The following EPS15L1 variants were observed in gnomAD, a reference collection of about 807,000 sequenced individuals.
The protein encoded by EPS15L1 is epidermal growth factor receptor pathway substrate 15 like 1.
EPS15L1 carries 43 observed loss-of-function variants against 117.1 expected under a neutral mutation model. That is an observed-to-expected ratio of 0.37 (90% confidence interval 0.29 to 0.47). The LOEUF (loss-of-function observed/expected upper bound fraction) is 0.47. Among genes scored for constraint, EPS15L1 ranks in the 20% least tolerant of loss-of-function variants. The pLI is 0.99. For synonymous variants in EPS15L1, 459 were observed against 470.5 expected, an observed-to-expected ratio of 0.98 and a Z score of 0.32; for missense variants, 981 against 1,164.0, an observed-to-expected ratio of 0.84 and a Z score of 2.29.
rs2092363622 is a variant in EPS15L1, at chr19:16,381,623, C to A, written c.2247+3506G>T. Among the ~76,000 whole-genome samples, 1 of 152,220 alleles carries A rather than the reference C, an allele frequency of 6.6e-6. No homozygotes were observed. Among genetic ancestry groups the A allele is most frequent in the South Asian group, 2.1e-4 (1 of 4,836 alleles). ...GACAATGATCACACCAAGTACGAAG[C>A]TGCGATTGGAATCTGGGAGTGCCCC... On this transcript the variant is annotated intron_variant, in intron 21 of 23. Coordinates refer to ENST00000455140, the MANE Select transcript of EPS15L1 (RefSeq NM_001258374.3). The surrounding 1 kb of genome is among the most constrained non-coding windows in gnomAD (Gnocchi z 4.2).
At chr19:16,391,237 G>A (rs2092471156) in intron 19 of EPS15L1, among the ~76,000 whole-genome samples, 1 of 152,042 alleles carries the variant, frequency 6.6e-6, no homozygotes, top group Admixed American at 6.6e-5. Context: ...ATAGAAAAGA[G>A]AAAATCAATG....
At chr19:16,417,659 A>C (rs1033483579) in intron 11 of EPS15L1, 22 bp from the exon 12 acceptor site, 2 of 1,605,546 alleles carry the variant, frequency 1.2e-6, no homozygotes, top group African/African-American at 2.7e-5. Context: ...TTCAGAGGCG[A>C]GATCTCTAAT....
chr19:16,362,441 C>A (rs535359526), intron 22 of EPS15L1, among the ~76,000 whole-genome samples: 49 of 146,332 alleles, frequency 3.3e-4, no homozygotes, highest in Middle Eastern at 3.5e-3. Context: ...AGTTTCACAA[C>A]GTGGTATGGT....
intron 1 of EPS15L1, among the ~76,000 whole-genome samples, chr19:16,444,810 T>C (rs1161152851): frequency 1.3e-5 from 2 of 151,158 alleles, no homozygotes; most frequent in Non-Finnish European, 2.9e-5. Context: ...CATTGCAATC[T>C]CTGACTCCTG....
chr19:16,361,599 T>G, intron 23 of EPS15L1, 180 bp downstream of exon 23: 1 of 1,327,978 alleles, frequency 7.5e-7, no homozygotes, highest in Non-Finnish European at 9.6e-7. Flanking sequence ...TTTTTTTTAT[T>G]GAGAAACTGT....
chr19:16,426,517 T>C (rs1858418210), intron 8 of EPS15L1, among the ~76,000 whole-genome samples: 1 of 152,070 alleles, frequency 6.6e-6, no homozygotes. Flanking sequence ...TGGGCACCTA[T>C]AATCCCAGTT....
intron 10 of EPS15L1, among the ~76,000 whole-genome samples, chr19:16,418,962 A>G (rs2144931963): frequency 6.6e-6 from 1 of 152,292 alleles, no homozygotes; most frequent in South Asian, 2.1e-4. Flanking sequence ...CAGCAGCCCA[A>G]TGGTCTAAAA....
chr19:16,465,185 G>A (rs759747889), intron 1 of EPS15L1, among the ~76,000 whole-genome samples: 11 of 152,096 alleles, frequency 7.2e-5, no homozygotes, highest in Non-Finnish European at 1.2e-4. Context: ...GCAGCCATGG[G>A]TTGGACAAGC....
chr19:16,443,742 G>T (rs956896031), intron 1 of EPS15L1, among the ~76,000 whole-genome samples: 1 of 151,702 alleles, frequency 6.6e-6, no homozygotes, highest in African/African-American at 2.4e-5. Flanking sequence ...ATAATGCCCG[G>T]ATTATGGTCA....
intron 21 of EPS15L1, among the ~76,000 whole-genome samples, chr19:16,384,844 CG>C (rs1457372614): frequency 4.6e-5 from 7 of 152,212 alleles, no homozygotes; most frequent in Non-Finnish European, 1.0e-4. Context: ...AGTTTCTACT[CG>C]GCCATGGCAA....
chr19:16,414,167 G>A (rs1215346772), intron 12 of EPS15L1, among the ~76,000 whole-genome samples: 3 of 152,162 alleles, frequency 2.0e-5, no homozygotes, highest in Admixed American at 6.5e-5. Flanking sequence ...GAAGGTGGAG[G>A]GGCCACGTGA....
At chr19:16,355,966 G>A in intron 23 of EPS15L1, 115 bp from the exon 24 acceptor site, 2 of 1,277,634 alleles carry the variant, frequency 1.6e-6, no homozygotes, top group Non-Finnish European at 2.1e-6. Flanking sequence ...CCCAGCGGAG[G>A]GTCCGATGTG....
intron 12 of EPS15L1, 64 bp from the exon 13 acceptor site, chr19:16,413,909 G>A: frequency 7.9e-7 from 1 of 1,265,998 alleles, no homozygotes; most frequent in Non-Finnish European, 1.1e-6. Flanking sequence ...CCTTCCCAAG[G>A]CCTGATTCTG....
intron 16 of EPS15L1, chr19:16,401,418 TAC>T (rs1476979118): frequency 2.0e-6 from 2 of 985,190 alleles, no homozygotes; most frequent in Admixed American, 6.2e-5. Context: ...ATCCATGACG[TAC>T]AGAGGCCCAG....
intron 21 of EPS15L1, among the ~76,000 whole-genome samples, chr19:16,382,029 C>A (rs146271245): frequency 0.011 from 1,725 of 152,342 alleles, 22 homozygotes; most frequent in South Asian, 0.033. Flanking sequence ...AATAAAACCA[C>A]ACTCAGCCTG....
chr19:16,454,998 G>A (rs550367471), intron 1 of EPS15L1, among the ~76,000 whole-genome samples: 27 of 151,952 alleles, frequency 1.8e-4, no homozygotes, highest in African/African-American at 6.3e-4. Context: ...GTGTGGTGGC[G>A]CACACCTGTA....
intron 4 of EPS15L1, among the ~76,000 whole-genome samples, chr19:16,438,391 C>T (rs1268889245): frequency 1.3e-5 from 2 of 152,088 alleles, no homozygotes; most frequent in Non-Finnish European, 2.9e-5. Context: ...TGGACTTATT[C>T]CACTGCATCT....
chr19:16,397,365 C>T (rs1215146557), intron 16 of EPS15L1, among the ~76,000 whole-genome samples: 1 of 152,204 alleles, frequency 6.6e-6, no homozygotes, highest in African/African-American at 2.4e-5. Context: ...GCTGGGATTA[C>T]AGGCGTGAGC....
Position 16,355,502 on chromosome 19 carries a change from G to C in EPS15L1, c.*203C>G. ...AGTGGAGAGACGGACCTGCAGAAGT[G>C]GTGGCCAAGGCCTCTGTAAGGGCTT... is the stretch of plus-strand genomic sequence containing the variant. On this transcript the variant is annotated 3_prime_UTR_variant, in exon 24 of 24. Coordinates refer to ENST00000455140, the MANE Select transcript of EPS15L1 (RefSeq NM_001258374.3). The C allele has an allele frequency of 1.7e-6, 1 of 603,634 alleles. No individual in the cohort carries two copies. Among genetic ancestry groups the C allele is most frequent in the African/African-American group, 1.8e-5 (1 of 54,282 alleles). The allele number at this position is 603,634 out of a possible 1,614,324, so 37.4% of individuals were successfully genotyped here. A position where few individuals can be genotyped will look rare whatever the true frequency, so the allele number is the denominator to read the frequency against.
Sources: allele counts gnomAD v4.1 joint callset (sites outside exome capture counted in the v4.1 genomes callset), GRCh38; gene constraint gnomAD v4.1.1; non-coding constraint Gnocchi (gnomAD v3.1); transcripts MANE v1.5; gene names NCBI Gene and HGNC (gene_info 2026-07-23, HGNC 2026-07-21).